TTBK2: variants seen among roughly 807,000 people sequenced by gnomAD.
The protein encoded by TTBK2 is tau-tubulin kinase 2.
A neutral mutation model predicts 110.8 loss-of-function variants in TTBK2; 28 were observed. The observed-to-expected ratio is 0.25, with a 90% CI of 0.19 to 0.35. The LOEUF (loss-of-function observed/expected upper bound fraction) is 0.35. TTBK2 is among the 10% of genes least tolerant of loss of function. The pLI, the probability that TTBK2 is intolerant of heterozygous loss-of-function variation, is 1.00. For synonymous variants in TTBK2, 532 were observed against 527.3 expected (o/e 1.01, Z -0.12); for missense variants, 1,369 against 1,500.3 (o/e 0.91, Z 1.45).
At chr15:42,919,893 G>A (rs2031276398) in intron 1 of TTBK2, 1 of 830,098 alleles carries the variant, frequency 1.2e-6, no homozygotes, top group Non-Finnish European at 1.5e-6. Flanking sequence ...CAGCATCCCA[G>A]GGTGTCAACA....
chr15:42,784,936 T>C (rs140862101), intron 10 of TTBK2, among the ~76,000 whole-genome samples: 4 of 152,176 alleles, frequency 2.6e-5, no homozygotes, highest in African/African-American at 9.6e-5. Flanking sequence ...TTGGAGCAGG[T>C]GCTATGTGCC....
intron 9 of TTBK2, among the ~76,000 whole-genome samples, chr15:42,804,949 A>G (rs1891396139): frequency 1.3e-5 from 2 of 152,218 alleles, no homozygotes; most frequent in African/African-American, 4.8e-5. Context: ...ACCATAAAGC[A>G]TGACTAAGCC....
Position 42,746,176 on chromosome 15 carries a change from T to C in TTBK2, c.3354A>G (p.Gly1118=). 1 of 1,614,134 alleles carries C rather than the reference T, an allele frequency of 6.2e-7. No homozygotes were observed. Among genetic ancestry groups the C allele is most frequent in the South Asian group, 1.1e-5 (1 of 91,072 alleles). Residue 1118 remains glycine, a synonymous_variant, in exon 15 of 15, where the codon GGA becomes GGG. Coordinates refer to ENST00000267890, the MANE Select transcript of TTBK2 (RefSeq NM_173500.4). ...GAGTAGTGCTCCGGGGTTTCTGAGA[T>C]CCATTTTGAAGAATTTGGGCCAGGC... ...FSRLAQILQN[G]SQKPRSTTQC...
At position 42,777,149 on chromosome 15, in the gene TTBK2, T is replaced by A. The variant is rs767628158; in HGVS notation, c.1291A>T (p.Thr431Ser). The A allele has an allele frequency of 6.2e-7, 1 of 1,614,210 alleles. No homozygotes were observed. Among genetic ancestry groups the A allele is most frequent in the Non-Finnish European group, 8.5e-7 (1 of 1,180,042 alleles). Residue 431 changes from threonine to serine, a missense_variant, in exon 12 of 15, where the codon ACT (threonine) becomes TCT (serine). By Grantham distance (58) the Thr-to-Ser change is moderately conservative (BLOSUM62 1). Transcript: ENST00000267890. ...GSPIRVRSEITQPDRDIPLVR... is the reference protein window; with the variant it reads ...GSPIRVRSEISQPDRDIPLVR... ...AGTGGAATATCTCTGTCTGGCTGAG[T>A]AATCTCTGAGCGGACACGAATTGGT...
At chr15:42,849,382 G>T (rs959860198) in intron 3 of TTBK2, among the ~76,000 whole-genome samples, 1 of 152,056 alleles carries the variant, frequency 6.6e-6, no homozygotes, top group Non-Finnish European at 1.5e-5. Context: ...CATTCTTGTA[G>T]CAAAGTCATA....
At chr15:42,858,836 T>C (rs1262848194) in intron 3 of TTBK2, among the ~76,000 whole-genome samples, 1 of 152,220 alleles carries the variant, frequency 6.6e-6, no homozygotes, top group Non-Finnish European at 1.5e-5. Context: ...TACCTAGTCA[T>C]AGGTATGTTC....
chr15:42,794,571 CTGGA>C, intron 10 of TTBK2, 69 bp downstream of exon 10: 1 of 1,605,496 alleles, frequency 6.2e-7, no homozygotes, highest in Non-Finnish European at 8.5e-7. Flanking sequence ...CTGAGGGAAT[CTGGA>C]TGAAGTAAAT....
At chr15:42,804,008 C>CAAAA (rs781131720) in intron 9 of TTBK2, among the ~76,000 whole-genome samples, 10 of 50,946 alleles carry the variant, frequency 2.0e-4, no homozygotes, top group Middle Eastern at 0.016. Context: ...GCGAGGAGTG[C>CAAAA]AAAAAAAAAA....
At chr15:42,867,420 A>C (rs1894419445) in intron 3 of TTBK2, among the ~76,000 whole-genome samples, 1 of 152,150 alleles carries the variant, frequency 6.6e-6, no homozygotes. Flanking sequence ...AAAATTCAAA[A>C]TATTTGCAAA....
At chr15:42,877,717 C>T (rs1894867237) in intron 2 of TTBK2, among the ~76,000 whole-genome samples, 1 of 152,048 alleles carries the variant, frequency 6.6e-6, no homozygotes, top group African/African-American at 2.4e-5. Flanking sequence ...AAAAATACTA[C>T]ATGCTAACAG....
In TTBK2 at chr15:42,752,762, T is replaced by C. The variant is rs567793736; in HGVS notation, c.2484A>G (p.Thr828=). The part of the protein sequence containing the change: ...ATTEPLDVTK[T]QTFSVVPNQD... ...GATTTGGCACCACACTAAAAGTCTG[T>C]GTTTTTGTCACATCAAGAGGTTCAG... Residue 828 remains threonine, a synonymous_variant, in exon 14 of 15, where the codon ACA becomes ACG. Coordinates refer to ENST00000267890, the MANE Select transcript of TTBK2 (RefSeq NM_173500.4). The C allele has an allele frequency of 1.9e-6, 3 of 1,614,224 alleles. No homozygotes were observed. Among genetic ancestry groups the C allele is most frequent in the Non-Finnish European group, 2.5e-6 (3 of 1,180,038 alleles).
intron 10 of TTBK2, among the ~76,000 whole-genome samples, chr15:42,792,956 TG>T (rs1890763157): frequency 6.6e-6 from 1 of 152,212 alleles, no homozygotes; most frequent in Non-Finnish European, 1.5e-5. Context: ...CCTGGATTTT[TG>T]CAAGTTTGAG....
intron 9 of TTBK2, chr15:42,801,150 C>T: frequency 5.1e-6 from 6 of 1,183,352 alleles, no homozygotes; most frequent in Non-Finnish European, 7.5e-6. Context: ...CAAGCTCTGA[C>T]CACCTGCATA....
At chr15:42,873,338 G>A (rs776485105) in intron 2 of TTBK2, among the ~76,000 whole-genome samples, 1 of 152,116 alleles carries the variant, frequency 6.6e-6, no homozygotes, top group Non-Finnish European at 1.5e-5. Flanking sequence ...GGAGGCTGAG[G>A]CAGGAGAATT....
At chr15:42,766,446 CAAA>C (rs567972612) in intron 13 of TTBK2, among the ~76,000 whole-genome samples, 2,545 of 30,812 alleles carry the variant, frequency 0.083, 58 homozygotes, top group South Asian at 0.26. Context: ...GAATGGAAAG[CAAA>C]AAAAAAAAAA....
chr15:42,806,406 C>G (rs1404447013), intron 9 of TTBK2, among the ~76,000 whole-genome samples: 1 of 152,204 alleles, frequency 6.6e-6, no homozygotes, highest in Admixed American at 6.5e-5. Context: ...AAAAGTAATC[C>G]TCTTAAAGCA....
At chr15:42,801,940 T>G (rs1166011481) in intron 9 of TTBK2, 2 of 1,587,628 alleles carry the variant, frequency 1.3e-6, no homozygotes, top group Non-Finnish European at 1.7e-6. Flanking sequence ...CAGCTTCAGC[T>G]TCTCCTGGCC....
chr15:42,841,844 T>C (rs1248904554), intron 3 of TTBK2, among the ~76,000 whole-genome samples: 1 of 152,198 alleles, frequency 6.6e-6, no homozygotes, highest in East Asian at 1.9e-4. Flanking sequence ...GTAGGCTGTA[T>C]AGATTTTAAG....
intron 1 of TTBK2, among the ~76,000 whole-genome samples, chr15:42,903,922 T>C (rs1268102121): frequency 6.6e-6 from 1 of 152,214 alleles, no homozygotes; most frequent in Non-Finnish European, 1.5e-5. Context: ...AAGGCCCACA[T>C]AGCAAAGAAT....
Sources: allele counts gnomAD v4.1 joint callset (sites outside exome capture counted in the v4.1 genomes callset), GRCh38; gene constraint gnomAD v4.1.1; transcripts MANE v1.5; gene names NCBI Gene and HGNC (gene_info 2026-07-23, HGNC 2026-07-21).